The following PCDHA1 variants were observed in gnomAD, a reference collection of about 807,000 sequenced individuals.
PCDHA1 encodes protocadherin alpha-1.
A neutral mutation model predicts 61.3 loss-of-function variants in PCDHA1; 42 were observed. That is an observed-to-expected ratio of 0.69 (90% CI 0.54 to 0.89). The LOEUF is 0.89. Ranked by LOEUF, PCDHA1 falls within the 40% of genes least tolerant of loss-of-function variation. The probability of loss-of-function intolerance (pLI) is 0.00; values close to 1 mark genes in which losing one functional copy is unlikely to be tolerated. For missense variants in PCDHA1, 1,256 were observed against 1,235.3 expected, an observed-to-expected ratio of 1.02 and a Z score of -0.25; for synonymous variants, 610 against 553.8, an observed-to-expected ratio of 1.10 and a Z score of -1.43.
intron 1 of PCDHA1, chr5:140,866,269 TAAAG>T (rs2049248752): frequency 2.6e-5 from 4 of 152,174 alleles, no homozygotes; most frequent in Admixed American, 2.6e-4. Context: ...TTACTGTGAA[TAAAG>T]ACAGTGTTTG....
At chr5:140,862,382 G>A (rs1213049114) in intron 1 of PCDHA1, 1 of 345,048 alleles carries the variant, frequency 2.9e-6, no homozygotes, top group East Asian at 7.5e-5. Context: ...GACTCCTCAC[G>A]TCTCTTCAAG....
chr5:140,991,445 A>G (rs1352709310), intron 3 of PCDHA1, among the ~76,000 whole-genome samples: 1 of 152,222 alleles, frequency 6.6e-6, no homozygotes, highest in African/African-American at 2.4e-5. Flanking sequence ...CATGGCTTAA[A>G]ACAACACAAT....
At chr5:140,942,539 TG>T (rs1370746759) in intron 1 of PCDHA1, among the ~76,000 whole-genome samples, 2 of 151,338 alleles carry the variant, frequency 1.3e-5, no homozygotes, top group Admixed American at 6.6e-5. Flanking sequence ...CTCAGTATGG[TG>T]GGGGGTAGGG....
chr5:140,829,836 C>G (rs2150175782), intron 1 of PCDHA1: 3 of 1,613,890 alleles, frequency 1.9e-6, no homozygotes, highest in South Asian at 2.2e-5. Flanking sequence ...GAGCTGGTGC[C>G]GCGGTCACTG....
At chr5:140,808,379 G>C in intron 1 of PCDHA1, 1 of 1,614,190 alleles carries the variant, frequency 6.2e-7, no homozygotes, top group Middle Eastern at 1.7e-4. Flanking sequence ...CTTCAAGCTG[G>C]TGTCCACCTT....
At chr5:140,924,208 G>T (rs1197265860) in intron 1 of PCDHA1, among the ~76,000 whole-genome samples, 1 of 152,238 alleles carries the variant, frequency 6.6e-6, no homozygotes, top group Non-Finnish European at 1.5e-5. Flanking sequence ...GAAATTTGGT[G>T]AAGAATAAGT....
Position 140,978,996 on chromosome 5 carries a change from A to T in PCDHA1, c.2442A>T (p.Ala814=), listed in dbSNP as rs2096831053. The change falls in exon 2 of 4, where the codon GCA becomes GCT. Residue 814 remains alanine, a synonymous_variant. Coordinates refer to ENST00000504120, the MANE Select transcript of PCDHA1 (RefSeq NM_018900.4). ...GGCGTTACTCTGCCTCCCTGAGAGC[A>T]GGCATGCACAGGTATGTATTTCCCT... ...PDWRYSASLR[A]GMHSSVHLEE... 1 of 1,614,186 alleles carries T rather than the reference A, an allele frequency of 6.2e-7. No individual in the cohort carries two copies.
At chr5:140,821,799 T>C (rs2150110724) in intron 1 of PCDHA1, 28 of 1,612,984 alleles carry the variant, frequency 1.7e-5, no homozygotes, top group Non-Finnish European at 2.4e-5. Flanking sequence ...GGAGAGGAAG[T>C]CTGGGATCCC....
intron 1 of PCDHA1, among the ~76,000 whole-genome samples, chr5:140,791,169 C>T (rs1268381901): frequency 6.6e-6 from 1 of 152,218 alleles, no homozygotes; most frequent in East Asian, 1.9e-4. Context: ...TATTGCTAGC[C>T]ACTACCGATA....
intron 1 of PCDHA1, chr5:140,865,095 C>T (rs1163378400): frequency 2.0e-5 from 3 of 152,198 alleles, no homozygotes; most frequent in African/African-American, 7.2e-5. Context: ...TTAATAAAGG[C>T]ACTTCCACTT....
At chr5:140,925,217 G>T (rs1217593393) in intron 1 of PCDHA1, among the ~76,000 whole-genome samples, 1 of 152,154 alleles carries the variant, frequency 6.6e-6, no homozygotes, top group Non-Finnish European at 1.5e-5. Flanking sequence ...ATACTTTTAG[G>T]CAGGTTTCTA....
intron 1 of PCDHA1, chr5:140,795,661 T>C (rs781990083): frequency 1.2e-6 from 2 of 1,614,102 alleles, no homozygotes; most frequent in Non-Finnish European, 8.5e-7. Context: ...TATTAAGGTA[T>C]TAGATGTAAA....
chr5:141,000,027 A>G (rs782393146), intron 3 of PCDHA1, among the ~76,000 whole-genome samples: 4 of 152,048 alleles, frequency 2.6e-5, no homozygotes, highest in Non-Finnish European at 5.9e-5. Flanking sequence ...TAAGCCTGAC[A>G]TCCAATCACA....
intron 2 of PCDHA1, among the ~76,000 whole-genome samples, chr5:140,979,729 C>CA: frequency 6.6e-6 from 1 of 152,232 alleles, no homozygotes; most frequent in African/African-American, 2.4e-5. Flanking sequence ...GCCATGGGGC[C>CA]AAATAAAAGA....
intron 3 of PCDHA1, among the ~76,000 whole-genome samples, chr5:141,003,433 T>G (rs1479468480): frequency 2.0e-5 from 3 of 152,112 alleles, no homozygotes; most frequent in African/African-American, 7.2e-5. Flanking sequence ...TGCCTCAGCC[T>G]CCCAAGTAGA....
intron 1 of PCDHA1, among the ~76,000 whole-genome samples, chr5:140,919,033 G>T (rs149900813): frequency 6.6e-6 from 1 of 152,282 alleles, no homozygotes; most frequent in African/African-American, 2.4e-5. Flanking sequence ...CTGCCTAGTT[G>T]TTGTCCATTA....
rs1767505494 is a variant in PCDHA1, at chr5:140,822,996, G to T, written c.2394+34312G>T. On this transcript the variant is annotated intron_variant, in intron 1 of 3. Coordinates refer to ENST00000504120, the MANE Select transcript of PCDHA1 (RefSeq NM_018900.4). ...CCTTCAAGAATTACTACTCGTTGGT[G>T]CTGGACAGCGCCCTGGACCGCGAGA... 5 of 1,614,122 alleles carry T rather than the reference G, an allele frequency of 3.1e-6. No individual in the cohort carries two copies. In the South Asian group the frequency reaches 4.4e-5, roughly 14 times the overall value.
chr5:140,921,824 A>G (rs1554200461), intron 1 of PCDHA1, among the ~76,000 whole-genome samples: 1 of 152,172 alleles, frequency 6.6e-6, no homozygotes. Flanking sequence ...GTGAATATCT[A>G]TACACATATA....
chr5:140,809,402 C>A, intron 1 of PCDHA1: 1 of 1,614,178 alleles, frequency 6.2e-7, no homozygotes, highest in Non-Finnish European at 8.5e-7. Context: ...CAAGCCCACG[C>A]TGGTGTGCTC....
Sources: gnomAD v4.1 joint callset for allele counts (sites outside exome capture counted in the v4.1 genomes callset) on GRCh38, gnomAD v4.1.1 for gene constraint, MANE v1.5 for transcripts, NCBI Gene and HGNC (gene_info 2026-07-23, HGNC 2026-07-21) for gene names.